UGT1A9: variants seen among roughly 807,000 people sequenced by gnomAD.
UGT1A9 encodes UDP-glucuronosyltransferase 1A9.
In UGT1A9, 35 loss-of-function variants were observed where a neutral mutation model predicts 45.0. The observed-to-expected ratio is 0.78, with a 90% CI of 0.59 to 1.03. UGT1A9 has a LOEUF of 1.03. Among genes scored for constraint, UGT1A9 ranks in the 50% least tolerant of loss-of-function variants. The pLI, the probability that UGT1A9 is intolerant of heterozygous loss-of-function variation, is 0.00. For missense variants in UGT1A9, 687 were observed against 666.6 expected (o/e 1.03, Z -0.34); for synonymous variants, 278 against 250.6 (o/e 1.11, Z -1.03).
At chr2:233,729,130 G>T (rs1021127658) in intron 1 of UGT1A9, 3 of 1,613,064 alleles carry the variant, frequency 1.9e-6, no homozygotes, top group Admixed American at 3.3e-5. Context: ...TGCTGAGATG[G>T]CCACAGGACT....
chr2:233,672,375 C>T lies in UGT1A9; in HGVS notation c.441C>T (p.Leu147=), dbSNP rs200266032. 29 of 1,613,944 alleles carry T rather than the reference C, an allele frequency of 1.8e-5. No homozygotes were observed. Among genetic ancestry groups the T allele is most frequent in the Admixed American group, 5.0e-5 (3 of 59,970 alleles). Residue 147 remains leucine (L), a synonymous_variant, in exon 1 of 5, where the codon CTC becomes CTT. Coordinates refer to ENST00000354728, the MANE Select transcript of UGT1A9 (RefSeq NM_021027.3). The part of the protein sequence containing the change: ...LKESSFDAVF[L]DPFDNCGLIV... ...AGAGTTCTTTTGATGCAGTGTTTCT[C>T]GATCCTTTTGATAACTGTGGCTTAA...
chr2:233,719,730 C>T (rs2011219), intron 1 of UGT1A9: 110,168 of 1,613,484 alleles, frequency 0.068, 5,029 homozygotes, highest in South Asian at 0.18. Flanking sequence ...CCAGGCAAAA[C>T]ACTTTTTAAA....
chr2:233,749,829 T>C (rs758485445), intron 1 of UGT1A9, among the ~76,000 whole-genome samples: 1 of 151,956 alleles, frequency 6.6e-6, no homozygotes, highest in Non-Finnish European at 1.5e-5. Context: ...CTCTCTTTCA[T>C]GTAAGACGTG....
intron 1 of UGT1A9, among the ~76,000 whole-genome samples, chr2:233,704,354 C>T (rs11683974): frequency 0.019 from 2,858 of 147,810 alleles, 31 homozygotes; most frequent in Non-Finnish European, 0.03. Flanking sequence ...GTGTTCTGAG[C>T]GGTTGTTCTA....
At chr2:233,740,942 A>G (rs1313081158) in intron 1 of UGT1A9, 4 of 151,462 alleles carry the variant, frequency 2.6e-5, no homozygotes, top group African/African-American at 4.9e-5. Context: ...TTTTTTAATT[A>G]GCTAGGTGTG....
At chr2:233,713,725 T>C in intron 1 of UGT1A9, 1 of 1,613,928 alleles carries the variant, frequency 6.2e-7, no homozygotes, top group Non-Finnish European at 8.5e-7. Context: ...GAGGTGTCAG[T>C]GGTGGATCTT....
At chr2:233,748,111 T>C (rs1693869391) in intron 1 of UGT1A9, 3 of 1,612,162 alleles carry the variant, frequency 1.9e-6, no homozygotes, top group Non-Finnish European at 2.5e-6. Flanking sequence ...CAATCAATGT[T>C]CCAGGCAAAA....
At chr2:233,696,110 A>C (rs2075324889) in intron 1 of UGT1A9, among the ~76,000 whole-genome samples, 1 of 152,238 alleles carries the variant, frequency 6.6e-6, no homozygotes, top group Admixed American at 6.5e-5. Flanking sequence ...AACAAAACAA[A>C]AAGAACTAGA....
chr2:233,762,377 A>G (rs182919265), intron 1 of UGT1A9, among the ~76,000 whole-genome samples: 1 of 152,252 alleles, frequency 6.6e-6, no homozygotes, highest in African/African-American at 2.4e-5. Context: ...ACCAATATGT[A>G]TATAGAAACA....
intron 1 of UGT1A9, among the ~76,000 whole-genome samples, chr2:233,759,519 G>A (rs757989605): frequency 9.9e-5 from 15 of 152,084 alleles, no homozygotes; most frequent in Non-Finnish European, 2.2e-4. Context: ...GCCTGTCCTT[G>A]GGGAAGACTT....
chr2:233,689,881 G>A (rs781112072), intron 1 of UGT1A9: 21 of 456,480 alleles, frequency 4.6e-5, no homozygotes, highest in Non-Finnish European at 7.1e-5. Flanking sequence ...CTTATCAAGT[G>A]CCTTATTTAT....
At chr2:233,756,673 G>C (rs542273174) in intron 1 of UGT1A9, among the ~76,000 whole-genome samples, 32 of 152,264 alleles carry the variant, frequency 2.1e-4, no homozygotes, top group South Asian at 1.0e-3. Context: ...ATTTCCGCTA[G>C]AACTGCTATA....
At chr2:233,708,356 T>G (rs1559355777) in intron 1 of UGT1A9, 1 of 152,248 alleles carries the variant, frequency 6.6e-6, no homozygotes, top group Non-Finnish European at 1.5e-5. Flanking sequence ...TTTCCCTTAT[T>G]AATTCTTCAT....
intron 1 of UGT1A9, among the ~76,000 whole-genome samples, chr2:233,726,904 T>A (rs554663359): frequency 7.2e-5 from 11 of 152,324 alleles, no homozygotes; most frequent in South Asian, 4.1e-4. Flanking sequence ...CATTCAATTA[T>A]CTCCTTTTTT....
At chr2:233,679,006 C>T (rs184095276) in intron 1 of UGT1A9, among the ~76,000 whole-genome samples, 3 of 152,324 alleles carry the variant, frequency 2.0e-5, no homozygotes, top group African/African-American at 7.2e-5. Flanking sequence ...ACAGTGGCAT[C>T]TTCAGTGGTG....
intron 1 of UGT1A9, among the ~76,000 whole-genome samples, chr2:233,725,069 C>G (rs1374250230): frequency 2.7e-5 from 4 of 146,562 alleles, no homozygotes; most frequent in Non-Finnish European, 4.5e-5. Context: ...CGCCTGCAAT[C>G]GCAGGCACTC....
intron 1 of UGT1A9, among the ~76,000 whole-genome samples, chr2:233,687,568 A>C (rs6754100): frequency 0.67 from 95,836 of 142,336 alleles, 33,409 homozygotes; most frequent in African/African-American, 0.84. Flanking sequence ...AGAATTCAAG[A>C]CCATACATTC....
intron 4 of UGT1A9, among the ~76,000 whole-genome samples, chr2:233,771,823 C>T (rs1700395813): frequency 7.3e-6 from 1 of 137,044 alleles, no homozygotes; most frequent in Non-Finnish European, 1.6e-5. Flanking sequence ...TTCCTTGCTT[C>T]CTTCCCTCCT....
intron 1 of UGT1A9, among the ~76,000 whole-genome samples, chr2:233,749,753 G>C (rs1694269310): frequency 1.3e-5 from 2 of 151,876 alleles, no homozygotes; most frequent in South Asian, 2.1e-4. Flanking sequence ...TAGTGAGTGA[G>C]TTCTTATGAG....
Sources: allele counts gnomAD v4.1 joint callset (sites outside exome capture counted in the v4.1 genomes callset), GRCh38; gene constraint gnomAD v4.1.1; transcripts MANE v1.5; gene names NCBI Gene and HGNC (gene_info 2026-07-23, HGNC 2026-07-21).